Variants in ZBTB10 observed in about 807,000 individuals in gnomAD.
ZBTB10 encodes zinc finger and BTB domain containing 10, also known as zinc finger and BTB domain-containing protein 10.
Under a neutral mutation model 76.4 loss-of-function variants are expected in ZBTB10, and 32 were observed. That is an observed-to-expected ratio of 0.42 (90% CI 0.32 to 0.56). ZBTB10 has a LOEUF of 0.56. Ranked by LOEUF, ZBTB10 falls within the 20% of genes least tolerant of loss-of-function variation. The pLI is 0.14. For missense variants in ZBTB10, 1,057 were observed against 1,098.5 expected, an observed-to-expected ratio of 0.96 and a Z score of 0.53; for synonymous variants, 523 against 432.9, an observed-to-expected ratio of 1.21 and a Z score of -2.58.
At chr8:80,509,118 A>G (rs934611759) in intron 2 of ZBTB10, among the ~76,000 whole-genome samples, 1 of 152,188 alleles carries the variant, frequency 6.6e-6, no homozygotes, top group African/African-American at 2.4e-5. Flanking sequence ...GGAACTGTAA[A>G]GGGTGGTTTA....
rs1816503980 is a variant in ZBTB10 at position 80,524,192 on chromosome 8, TA to T, written c.*4666del. On this transcript the variant is annotated 3_prime_UTR_variant, in exon 6 of 6. Coordinates refer to ENST00000455036, the MANE Select transcript of ZBTB10 (RefSeq NM_001105539.3). The stretch of plus-strand genomic sequence containing the variant: ...TGTATAATTCAGATATCTTTGTACT[TA>T]AGGCTTACAAGTTTGAATTATGGAA... 6.6e-6 allele frequency: 1 copy of T among 151,994 alleles called. No individual in the cohort carries two copies. The highest frequency in any genetic ancestry group is 2.1e-4 in the South Asian group (1 of 4,834). 9.4% of individuals were successfully genotyped at this position (151,994 alleles called of 1,614,324 possible).
In ZBTB10 at chr8:80,500,357, T is replaced by C; in HGVS notation, c.1836T>C (p.Asn612=). Residue 612 remains asparagine, a synonymous_variant, in exon 2 of 6, where the codon AAT becomes AAC. Coordinates refer to ENST00000455036, the MANE Select transcript of ZBTB10 (RefSeq NM_001105539.3). ...CACCTGTTGCCTATCCAGAAGAAAATACACTACTCATCAAGGAAGAACCAG... is the reference window on the plus strand; with the variant it reads ...CACCTGTTGCCTATCCAGAAGAAAACACACTACTCATCAAGGAAGAACCAG... ...MQPPVAYPEE[N]TLLIKEEPDL... is the part of the protein sequence containing the mutation. The C allele has an allele frequency of 1.3e-6, 2 of 1,576,588 alleles. No individual in the cohort carries two copies. Among genetic ancestry groups the C allele is most frequent in the East Asian group, 2.3e-5 (1 of 43,804 alleles).
chr8:80,507,613 CA>C (rs796205066), intron 2 of ZBTB10, among the ~76,000 whole-genome samples: 1,771 of 148,414 alleles, frequency 0.012, 37 homozygotes, highest in African/African-American at 0.041. Context: ...GACTCCATCT[CA>C]AAAAAAAAAT....
At chr8:80,515,203 T>C (rs1051357408) in intron 3 of ZBTB10, among the ~76,000 whole-genome samples, 7 of 152,230 alleles carry the variant, frequency 4.6e-5, no homozygotes, top group Non-Finnish European at 1.5e-5. Flanking sequence ...TGCATGTTTC[T>C]AAATAGTGCA....
At chr8:80,485,869 C>T, upstream of ZBTB10, 1 of 1,535,722 alleles carries the variant, frequency 6.5e-7, no homozygotes, top group Non-Finnish European at 8.7e-7. Flanking sequence ...AAATGCGCGT[C>T]CCGGGCGCGG....
chr8:80,502,912 G>A (rs985442051), intron 2 of ZBTB10, among the ~76,000 whole-genome samples: 5 of 152,142 alleles, frequency 3.3e-5, no homozygotes, highest in African/African-American at 1.2e-4. Context: ...GGGTATGCAC[G>A]TTGGTATCAC....
chr8:80,500,526 T>G (rs943978491), intron 2 of ZBTB10, 144 bp downstream of exon 2: 1 of 830,796 alleles, frequency 1.2e-6, no homozygotes, highest in Non-Finnish European at 1.8e-6. Flanking sequence ...GTCATTCAAA[T>G]GCATAACATA....
At chr8:80,500,665 T>TG (rs1399658364) in intron 2 of ZBTB10, among the ~76,000 whole-genome samples, 1 of 152,216 alleles carries the variant, frequency 6.6e-6, no homozygotes, top group African/African-American at 2.4e-5. Context: ...GTCTTTGACT[T>TG]TCCTCATTTT....
rs1359903853 is a variant in ZBTB10, at chr8:80,521,024, C to CT, written c.*1497dup. ...TTTTATATCAGGTAACTAAATTATG[C>CT]TAGTTATGTGGAAAAAATTGCAAAG... is the stretch of plus-strand genomic sequence containing the variant. On this transcript the variant is annotated 3_prime_UTR_variant, in exon 6 of 6. Coordinates refer to ENST00000455036, the MANE Select transcript of ZBTB10 (RefSeq NM_001105539.3). 1.3e-5 allele frequency: 2 copies of CT among 151,832 alleles called. No homozygotes were observed. The highest frequency in any genetic ancestry group is 1.3e-4 in the Admixed American group (2 of 15,222). 9.4% of individuals were successfully genotyped at this position (151,832 alleles called of 1,614,324 possible). A position where few individuals can be genotyped will look rare whatever the true frequency, so the allele number is the denominator to read the frequency against.
At chr8:80,493,206 C>CGT (rs1815684778) in intron 1 of ZBTB10, among the ~76,000 whole-genome samples, 1 of 108,038 alleles carries the variant, frequency 9.3e-6, no homozygotes, top group Non-Finnish European at 1.9e-5. Flanking sequence ...CGCGCGCGCG[C>CGT]GCACACACAC....
At position 80,486,402 on chromosome 8, in the gene ZBTB10, G is replaced by A. The variant is rs878856464; in HGVS notation, c.-409G>A. 3.9e-5 allele frequency: 38 copies of A among 985,622 alleles called. No homozygotes were observed. The South Asian group carries it at 1.4e-3, about 35-fold the overall frequency. The allele number at this position is 985,622 out of a possible 1,614,324, so 61.1% of individuals were successfully genotyped here. A position where few individuals can be genotyped will look rare whatever the true frequency, so the allele number is the denominator to read the frequency against. The stretch of plus-strand genomic sequence containing the variant: ...CGCGGAGGAAGGATATCTGTGTGGA[G>A]GATCGGTGTGTGCGCGCGCGGCTTT... On this transcript the variant is annotated 5_prime_UTR_variant, in exon 1 of 6. Coordinates refer to ENST00000455036, the MANE Select transcript of ZBTB10 (RefSeq NM_001105539.3).
chr8:80,513,153 TC>T (rs970608059), intron 2 of ZBTB10, among the ~76,000 whole-genome samples: 20 of 151,822 alleles, frequency 1.3e-4, no homozygotes, highest in South Asian at 4.2e-4. Context: ...AACTGTTTTT[TC>T]TTTTGAGTTG....
chr8:80,493,205 GCGCACACACACACA>G (rs904993206), intron 1 of ZBTB10, among the ~76,000 whole-genome samples: 43 of 98,444 alleles, frequency 4.4e-4, no homozygotes, highest in African/African-American at 1.4e-3. Flanking sequence ...GCGCGCGCGC[GCGCACACACACACA>G]CACACACACA....
At chr8:80,493,204 C>CGCGCGCGCGT (rs1403932764) in intron 1 of ZBTB10, among the ~76,000 whole-genome samples, 1 of 115,790 alleles carries the variant, frequency 8.6e-6, no homozygotes, top group African/African-American at 3.4e-5. Context: ...CGCGCGCGCG[C>CGCGCGCGCGT]GCGCACACAC....
chr8:80,502,946 G>C (rs933477038), intron 2 of ZBTB10, among the ~76,000 whole-genome samples: 1 of 152,098 alleles, frequency 6.6e-6, no homozygotes, highest in African/African-American at 2.4e-5. Flanking sequence ...ATGCCGTAAA[G>C]GGTCTCTCTT....
rs1437410122 is a variant in ZBTB10, at chr8:80,487,484, C to G, written c.674C>G (p.Ala225Gly). ...GAAGTGGAGGGCAGCGGTGTGGGAGCTGGCGAAGGAGAGACTGTCCAGCAC... is the reference window on the plus strand; with the variant it reads ...GAAGTGGAGGGCAGCGGTGTGGGAGGTGGCGAAGGAGAGACTGTCCAGCAC... ...GDEVEGSGVG[A>G]GEGETVQHFP... The change falls in exon 1 of 6, where the codon GCT (alanine) becomes GGT (glycine). Residue 225 changes from alanine to glycine, a missense_variant. Physicochemically the swap from Ala to Gly is moderately conservative, Grantham distance 60. Transcript: ENST00000455036. 6 of 1,552,726 alleles carry G rather than the reference C, an allele frequency of 3.9e-6. No homozygotes were observed. Among genetic ancestry groups the G allele is most frequent in the Admixed American group, 2.0e-5 (1 of 51,028 alleles).
At chr8:80,499,446 T>TA in intron 1 of ZBTB10, 48 bp from the exon 2 acceptor site, 1 of 1,493,860 alleles carries the variant, frequency 6.7e-7, no homozygotes, top group Non-Finnish European at 8.9e-7. Flanking sequence ...TGGGAGTTTT[T>TA]AAAAAAGTCA....
chr8:80,487,141 G>T lies in ZBTB10; in HGVS notation c.331G>T (p.Gly111Trp). The T allele has an allele frequency of 2.0e-6, 3 of 1,514,834 alleles. No individual in the cohort carries two copies. Among genetic ancestry groups the T allele is most frequent in the Non-Finnish European group, 2.6e-6 (3 of 1,134,362 alleles). The allele number at this position is 1,514,834 out of a possible 1,614,324, so 93.8% of individuals were successfully genotyped here. Residue 111 changes from glycine (G) to tryptophan (W), a missense_variant, in exon 1 of 6, where the codon GGG becomes TGG. Gly to Trp is a radical substitution (Grantham distance 184). Around this residue, in one of 5 missense-constraint regions of ZBTB10, gnomAD observed 556 missense variants for 451.7 expected, o/e 1.23. Transcript: ENST00000455036. Reference sequence around the variant, plus strand: ...CCCCACCTCGCTTGGCGGTGGCGCGGGGGGCCCCCTGCTAGCGGAAAGGAA... The same window carrying T: ...CCCCACCTCGCTTGGCGGTGGCGCGTGGGGCCCCCTGCTAGCGGAAAGGAA... ...GGPTSLGGGA[G>W]GPLLAERNRR...
chr8:80,518,811 A>C lies in ZBTB10; in HGVS notation c.2167A>C (p.Lys723Gln). The C allele has an allele frequency of 6.2e-7, 1 of 1,612,486 alleles. No homozygotes were observed. Among genetic ancestry groups the C allele is most frequent in the Non-Finnish European group, 8.5e-7 (1 of 1,179,326 alleles). ...ATCATCTCTAATCATGAACAAGTTA[A>C]AATGCCCTCATTGTAGCTATGTAGC... ...GESSLIMNKLKCPHCSYVAKY... is the reference protein window; with the variant it reads ...GESSLIMNKLQCPHCSYVAKY... Residue 723 changes from lysine to glutamine, a missense_variant, in exon 5 of 6, where the codon AAA becomes CAA. By Grantham distance (53) the Lys-to-Gln change is moderately conservative (BLOSUM62 1). Coordinates refer to ENST00000455036, the MANE Select transcript of ZBTB10 (RefSeq NM_001105539.3).
Sources: gnomAD v4.1 joint callset for allele counts (sites outside exome capture counted in the v4.1 genomes callset) on GRCh38, gnomAD v4.1.1 for gene constraint, gnomAD v4.1.1 regional missense constraint, MANE v1.5 for transcripts, NCBI Gene and HGNC (gene_info 2026-07-23, HGNC 2026-07-21) for gene names.